Variants in GRIP1 observed in about 807,000 individuals in gnomAD.
GRIP1 encodes the protein glutamate receptor interacting protein 1, also known as glutamate receptor-interacting protein 1.
A neutral mutation model predicts 129.9 loss-of-function variants in GRIP1; 45 were observed. The ratio of observed to expected loss-of-function variants is 0.35; its 90% CI spans 0.27 to 0.44. GRIP1 has a LOEUF of 0.44. GRIP1 is among the 20% of genes least tolerant of loss of function. The probability of loss-of-function intolerance (pLI) is 1.00; values close to 1 mark genes in which losing one functional copy is unlikely to be tolerated. For missense variants in GRIP1, 1,196 were observed against 1,396.8 expected (o/e 0.86, Z 2.29); for synonymous variants, 530 against 520.8 (o/e 1.02, Z -0.24).
intron 1 of GRIP1, among the ~76,000 whole-genome samples, chr12:66,661,004 T>C (rs778901610): frequency 6.6e-6 from 1 of 152,026 alleles, no homozygotes; most frequent in Non-Finnish European, 1.5e-5. Context: ...TGAACACATA[T>C]AAATATTGAA....
chr12:66,556,584 C>A (rs1276746836), intron 2 of GRIP1, among the ~76,000 whole-genome samples: 1 of 150,660 alleles, frequency 6.6e-6, no homozygotes, highest in African/African-American at 2.4e-5. Context: ...AATGATGAAC[C>A]AATCAAAAAT....
chr12:66,604,019 T>C (rs1392299753), intron 1 of GRIP1, among the ~76,000 whole-genome samples: 2 of 152,304 alleles, frequency 1.3e-5, no homozygotes, highest in Admixed American at 6.5e-5. Flanking sequence ...GGCAGGGACA[T>C]GAGGGAAGAA....
chr12:66,696,983 C>T (rs2035188403), intron 1 of GRIP1, among the ~76,000 whole-genome samples: 4 of 152,108 alleles, frequency 2.6e-5, no homozygotes, highest in Admixed American at 2.6e-4. Context: ...AGAGGTGGTT[C>T]TGGGTTCTGT....
chr12:66,446,654 A>C (rs1216236963), intron 11 of GRIP1, among the ~76,000 whole-genome samples: 4 of 152,130 alleles, frequency 2.6e-5, no homozygotes, highest in Non-Finnish European at 4.4e-5. Flanking sequence ...TCATGACTTC[A>C]GGACTTGCCT....
Position 66,496,714 on chromosome 12 carries a change from C to T in GRIP1, c.724+18905G>A, listed in dbSNP as rs568520575. On this transcript the variant is annotated intron_variant, in intron 7 of 24. Transcript: ENST00000359742. Reference sequence around the variant, plus strand: ...GTAGGAAGTCATCTCTTGGTATGGGCCAATGAATGGCCTGAAACCCTTCCA... The same window carrying T: ...GTAGGAAGTCATCTCTTGGTATGGGTCAATGAATGGCCTGAAACCCTTCCA... Among the ~76,000 whole-genome samples, 9 of 152,198 alleles carry T rather than the reference C, an allele frequency of 5.9e-5. No homozygotes were observed. The South Asian group carries it at 8.3e-4, about 14-fold the overall frequency.
chr12:66,472,579 A>G (rs2059469458), intron 7 of GRIP1, among the ~76,000 whole-genome samples: 1 of 152,184 alleles, frequency 6.6e-6, no homozygotes, highest in Admixed American at 6.5e-5. Flanking sequence ...TCGCAGCAAG[A>G]TCAACACAGA....
intron 23 of GRIP1, among the ~76,000 whole-genome samples, chr12:66,369,797 T>C (rs887996387): frequency 6.6e-6 from 1 of 152,118 alleles, no homozygotes; most frequent in Admixed American, 6.5e-5. Context: ...GGACTGAATA[T>C]GTGGTTTCCG....
At chr12:66,713,326 A>G (rs1241829171) in intron 1 of GRIP1, among the ~76,000 whole-genome samples, 2 of 151,972 alleles carry the variant, frequency 1.3e-5, no homozygotes, top group Admixed American at 6.6e-5. Flanking sequence ...TTGATCACCT[A>G]TTATGTGCCA....
chr12:67,025,753 G>T (rs180939569), intron 1 of GRIP1, among the ~76,000 whole-genome samples: 1 of 152,266 alleles, frequency 6.6e-6, no homozygotes, highest in Non-Finnish European at 1.5e-5. Flanking sequence ...TACCCCAAGT[G>T]TGGATAAATG....
intron 23 of GRIP1, among the ~76,000 whole-genome samples, chr12:66,361,799 C>T (rs1463251355): frequency 6.6e-6 from 1 of 152,160 alleles, no homozygotes; most frequent in East Asian, 1.9e-4. Flanking sequence ...TTACCCTTTT[C>T]CCAATTCCCT....
intron 15 of GRIP1, among the ~76,000 whole-genome samples, chr12:66,419,265 G>C (rs953825321): frequency 1.3e-5 from 2 of 152,192 alleles, no homozygotes; most frequent in Admixed American, 1.3e-4. Context: ...CTCATGGAGA[G>C]AGAGAGAGTA....
chr12:67,035,959 C>A (rs528346900), intron 1 of GRIP1, among the ~76,000 whole-genome samples: 13 of 152,260 alleles, frequency 8.5e-5, no homozygotes, highest in African/African-American at 2.9e-4. Flanking sequence ...AGTTCCCCCA[C>A]AGAATACATT....
chr12:66,689,558 T>C (rs1043585977), intron 1 of GRIP1, among the ~76,000 whole-genome samples: 4 of 152,178 alleles, frequency 2.6e-5, no homozygotes, highest in Non-Finnish European at 5.9e-5. Flanking sequence ...AAAATAAAAA[T>C]TGTATATATT....
At chr12:66,584,735 T>A (rs1387860978) in intron 2 of GRIP1, among the ~76,000 whole-genome samples, 1 of 151,824 alleles carries the variant, frequency 6.6e-6, no homozygotes, top group Non-Finnish European at 1.5e-5. Context: ...GGAAGAGGGG[T>A]CTATTAGTTA....
intron 7 of GRIP1, among the ~76,000 whole-genome samples, chr12:66,503,403 G>A (rs762787040): frequency 6.6e-6 from 1 of 152,188 alleles, no homozygotes; most frequent in East Asian, 1.9e-4. Context: ...GGGAGAAATC[G>A]TGGGAAAGAG....
chr12:66,783,713 A>C (rs2038229959), intron 1 of GRIP1, among the ~76,000 whole-genome samples: 1 of 152,184 alleles, frequency 6.6e-6, no homozygotes, highest in African/African-American at 2.4e-5. Flanking sequence ...AATAGAGTCT[A>C]GGTAACCACT....
chr12:66,925,047 C>G (rs893634062), intron 1 of GRIP1, among the ~76,000 whole-genome samples: 3 of 152,150 alleles, frequency 2.0e-5, no homozygotes. Context: ...AGTGACATAT[C>G]ACTTTAAAAG....
chr12:66,596,092 G>A (rs888695893), intron 2 of GRIP1, among the ~76,000 whole-genome samples: 40 of 152,078 alleles, frequency 2.6e-4, no homozygotes, highest in African/African-American at 8.9e-4. Flanking sequence ...TTACATAAAC[G>A]TTTAAATGCA....
chr12:66,533,658 C>A (rs1401045617), intron 4 of GRIP1, among the ~76,000 whole-genome samples: 2 of 151,794 alleles, frequency 1.3e-5, no homozygotes, highest in Admixed American at 6.6e-5. Context: ...AACAAACAAA[C>A]AAAAATACAT....
Sources: gnomAD v4.1 joint callset for allele counts (sites outside exome capture counted in the v4.1 genomes callset) on GRCh38, gnomAD v4.1.1 for gene constraint, MANE v1.5 for transcripts, NCBI Gene and HGNC (gene_info 2026-07-23, HGNC 2026-07-21) for gene names.